Variants in GLIS3 observed in about 807,000 individuals in gnomAD.
The protein encoded by GLIS3 is GLIS family zinc finger 3, also known as zinc finger protein GLIS3.
In GLIS3, 53 loss-of-function variants were observed where a neutral mutation model predicts 78.6. The ratio of observed to expected loss-of-function variants is 0.67; its 90% CI spans 0.54 to 0.85. The LOEUF is 0.85. Ranked by LOEUF, GLIS3 falls within the 40% of genes least tolerant of loss-of-function variation. GLIS3 has a pLI of 0.00. For synonymous variants in GLIS3, 684 were observed against 509.9 expected (o/e 1.34, Z -4.60); for missense variants, 1,703 against 1,231.1 (o/e 1.38, Z -5.74).
chr9:4,338,383 C>CACACAT (rs1350314893), intron 2 of GLIS3, among the ~76,000 whole-genome samples: 2 of 125,882 alleles, frequency 1.6e-5, no homozygotes, highest in East Asian at 2.2e-4. Context: ...CACACACACA[C>CACACAT]ACACATACAC....
At chr9:4,074,132 G>C (rs1827856056) in intron 4 of GLIS3, among the ~76,000 whole-genome samples, 1 of 152,172 alleles carries the variant, frequency 6.6e-6, no homozygotes, top group Non-Finnish European at 1.5e-5. Flanking sequence ...TCACAAGTTA[G>C]TCTTCTTGCT....
rs140656302 is a variant in GLIS3 at position 4,096,263 on chromosome 9, G to C, written c.1710+21505C>G. 2.0e-5 allele frequency among the ~76,000 whole-genome samples: 3 copies of C among 152,300 alleles called. No homozygotes were observed. In the East Asian group the frequency reaches 5.8e-4, roughly 29 times the overall value. ...ATGTGCGGTTAATTAACTCTGTTTA[G>C]ACTAAGGTAAATTTGGGTGTTTGGT... On this transcript the variant is annotated intron_variant, in intron 4 of 10. Coordinates refer to ENST00000381971, the MANE Select transcript of GLIS3 (RefSeq NM_001042413.2).
chr9:3,838,177 G>C (rs1304827586), intron 9 of GLIS3, among the ~76,000 whole-genome samples: 2 of 152,148 alleles, frequency 1.3e-5, no homozygotes, highest in African/African-American at 4.8e-5. Flanking sequence ...GTTAATTATT[G>C]TATCCATAGC....
chr9:3,871,184 G>A (rs1233588979), intron 8 of GLIS3, among the ~76,000 whole-genome samples: 1 of 152,196 alleles, frequency 6.6e-6, no homozygotes, highest in Non-Finnish European at 1.5e-5. Flanking sequence ...GGGTTCCCAT[G>A]GTCTTGGGCA....
At chr9:4,174,515 C>G (rs932542563) in intron 2 of GLIS3, among the ~76,000 whole-genome samples, 17 of 152,042 alleles carry the variant, frequency 1.1e-4, no homozygotes, top group Non-Finnish European at 2.4e-4. Flanking sequence ...TTAGGATCAT[C>G]AAAAGAAAAA....
intron 4 of GLIS3, among the ~76,000 whole-genome samples, chr9:4,108,137 T>C (rs1830919845): frequency 6.6e-6 from 1 of 152,184 alleles, no homozygotes; most frequent in African/African-American, 2.4e-5. Flanking sequence ...ATTAAAGTAA[T>C]ATAGTAGCTC....
chr9:4,448,494 G>A, the GLIS3 span, among the ~76,000 whole-genome samples: 1 of 152,216 alleles, frequency 6.6e-6, no homozygotes, highest in South Asian at 2.1e-4. Flanking sequence ...AGGTCTTTAA[G>A]TGATCTCCCC....
intron 2 of GLIS3, among the ~76,000 whole-genome samples, chr9:4,153,661 A>G (rs991802317): frequency 6.6e-6 from 1 of 152,226 alleles, no homozygotes; most frequent in African/African-American, 2.4e-5. Context: ...ATATATAGTA[A>G]AGTTTGCATA....
the GLIS3 span, among the ~76,000 whole-genome samples, chr9:4,473,880 C>A: frequency 6.6e-6 from 1 of 151,984 alleles, no homozygotes; most frequent in South Asian, 2.1e-4. Flanking sequence ...TGAAGATGCA[C>A]AAGACCTGTA....
intron 4 of GLIS3, among the ~76,000 whole-genome samples, chr9:4,065,338 G>T (rs138381953): frequency 2.0e-5 from 3 of 152,068 alleles, no homozygotes; most frequent in Non-Finnish European, 4.4e-5. Context: ...AACTGGAAAG[G>T]GTTATTTTTT....
intron 2 of GLIS3, among the ~76,000 whole-genome samples, chr9:4,321,289 G>T (rs1203829867): frequency 7.6e-6 from 1 of 131,194 alleles, no homozygotes; most frequent in Non-Finnish European, 1.5e-5. Context: ...GGGAGTGGTG[G>T]CGGGCGCCTG....
chr9:4,186,971 T>C (rs1287159011), intron 2 of GLIS3, among the ~76,000 whole-genome samples: 1 of 152,202 alleles, frequency 6.6e-6, no homozygotes, highest in Non-Finnish European at 1.5e-5. Context: ...CGGTAGTTTC[T>C]TTTGCTGTGC....
At chr9:4,125,401 T>A (rs1336272401) in intron 3 of GLIS3, among the ~76,000 whole-genome samples, 2 of 152,142 alleles carry the variant, frequency 1.3e-5, no homozygotes, top group Non-Finnish European at 2.9e-5. Flanking sequence ...CCATGCAAAT[T>A]TGCTAGGCCA....
intron 2 of GLIS3, among the ~76,000 whole-genome samples, chr9:4,315,786 C>T (rs972712339): frequency 2.6e-5 from 4 of 152,158 alleles, no homozygotes; most frequent in East Asian, 1.9e-4. Flanking sequence ...TGACTTGGGC[C>T]GTCAGTAGGT....
chr9:4,151,718 G>A (rs1046570720), intron 2 of GLIS3, among the ~76,000 whole-genome samples: 1 of 152,154 alleles, frequency 6.6e-6, no homozygotes, highest in African/African-American at 2.4e-5. Flanking sequence ...CCTAAACAAT[G>A]AAAGCGCTCT....
At chr9:4,199,759 AAAAC>A (rs1246531982) in intron 2 of GLIS3, among the ~76,000 whole-genome samples, 7 of 152,146 alleles carry the variant, frequency 4.6e-5, no homozygotes, top group Non-Finnish European at 1.0e-4. Flanking sequence ...ATTGAGGCAA[AAAAC>A]AAACAAACAA....
intron 4 of GLIS3, among the ~76,000 whole-genome samples, chr9:4,087,050 G>T (rs769199030): frequency 6.6e-6 from 1 of 152,130 alleles, no homozygotes; most frequent in African/African-American, 2.4e-5. Context: ...TAACTGAGTT[G>T]GACTGGCCCT....
At chr9:4,449,426 C>A in the GLIS3 span, among the ~76,000 whole-genome samples, 10 of 152,204 alleles carry the variant, frequency 6.6e-5, no homozygotes, top group African/African-American at 2.2e-4. Context: ...GAAACTTCTG[C>A]AGACTTAAAC....
chr9:4,466,352 C>A, the GLIS3 span, among the ~76,000 whole-genome samples: 2 of 152,208 alleles, frequency 1.3e-5, no homozygotes, highest in Non-Finnish European at 2.9e-5. Context: ...GATGGCTTCA[C>A]TGATGAATTC....
Sources: allele counts gnomAD v4.1 joint callset (sites outside exome capture counted in the v4.1 genomes callset), GRCh38; gene constraint gnomAD v4.1.1; transcripts MANE v1.5; gene names NCBI Gene and HGNC (gene_info 2026-07-23, HGNC 2026-07-21).